Variants in WDFY2 observed in about 807,000 individuals in gnomAD.
WDFY2 encodes WD repeat and FYVE domain containing 2.
Under a neutral mutation model 56.4 loss-of-function variants are expected in WDFY2, and 36 were observed. That is an observed-to-expected ratio of 0.64 (90% CI 0.49 to 0.84). The LOEUF (loss-of-function observed/expected upper bound fraction) is 0.84. Ranked by LOEUF, WDFY2 falls within the 40% of genes least tolerant of loss-of-function variation. WDFY2 has a pLI of 0.00. For synonymous variants in WDFY2, 176 were observed against 183.7 expected, an observed-to-expected ratio of 0.96 and a Z score of 0.34; for missense variants, 444 against 512.2, an observed-to-expected ratio of 0.87 and a Z score of 1.29.
intron 7 of WDFY2, among the ~76,000 whole-genome samples, chr13:51,742,394 G>A (rs1826955597): frequency 6.6e-6 from 1 of 152,054 alleles, no homozygotes; most frequent in South Asian, 2.1e-4. Context: ...CCTGTAGCAA[G>A]TGGATCGTGA....
chr13:51,693,540 C>T (rs1486400324), intron 3 of WDFY2, among the ~76,000 whole-genome samples: 1 of 152,104 alleles, frequency 6.6e-6, no homozygotes, highest in African/African-American at 2.4e-5. Flanking sequence ...GCACTGTGGT[C>T]TGAGAGACAG....
intron 7 of WDFY2, among the ~76,000 whole-genome samples, chr13:51,749,196 GAATT>G (rs1953171952): frequency 6.6e-6 from 1 of 151,990 alleles, no homozygotes; most frequent in South Asian, 2.1e-4. Flanking sequence ...ATTTTCAAAT[GAATT>G]AATATTTTAA....
At chr13:51,671,976 G>A (rs1435574075) in intron 2 of WDFY2, among the ~76,000 whole-genome samples, 2 of 151,824 alleles carry the variant, frequency 1.3e-5, no homozygotes, top group African/African-American at 4.8e-5. Flanking sequence ...TAGAGATGGG[G>A]TTTCGCCATG....
intron 1 of WDFY2, among the ~76,000 whole-genome samples, chr13:51,642,299 G>GT (rs1566333725): frequency 6.6e-6 from 1 of 151,134 alleles, no homozygotes; most frequent in African/African-American, 2.4e-5. Flanking sequence ...ATTTTATTTT[G>GT]TTTTTTGAGA....
chr13:51,694,199 T>G (rs139749990), intron 3 of WDFY2, among the ~76,000 whole-genome samples: 7,208 of 152,136 alleles, frequency 0.047, 228 homozygotes, highest in Middle Eastern at 0.082. Flanking sequence ...AGTTAATATT[T>G]TTATGTGTGA....
At chr13:51,712,210 C>T (rs1197970638) in intron 4 of WDFY2, among the ~76,000 whole-genome samples, 1 of 152,136 alleles carries the variant, frequency 6.6e-6, no homozygotes, top group African/African-American at 2.4e-5. Context: ...GAAAACCAAG[C>T]ACCGTATCTT....
Position 51,761,144 on chromosome 13 carries a change from T to C in WDFY2, c.*1375T>C, listed in dbSNP as rs1953569897. On this transcript the variant is annotated 3_prime_UTR_variant, in exon 12 of 12. Coordinates refer to ENST00000298125, the MANE Select transcript of WDFY2 (RefSeq NM_052950.4). ...CATCAGAACACTTTGCACACTTTCT[T>C]ACTAAAACGGTATGTGGGTGGTCCG... 1 of 152,198 alleles carries C rather than the reference T, an allele frequency of 6.6e-6. No homozygotes were observed. Among genetic ancestry groups the C allele is most frequent in the Non-Finnish European group, 1.5e-5 (1 of 68,022 alleles). The allele number at this position is 152,198 out of a possible 1,614,324, so 9.4% of individuals were successfully genotyped here. A position where few individuals can be genotyped will look rare whatever the true frequency, so the allele number is the denominator to read the frequency against.
chr13:51,762,095 G>A lies in WDFY2; in HGVS notation c.*2326G>A, dbSNP rs894588491. 4 of 152,204 alleles carry A rather than the reference G, an allele frequency of 2.6e-5. No individual in the cohort carries two copies. The highest frequency in any genetic ancestry group is 9.7e-5 in the African/African-American group (4 of 41,440). The allele number at this position is 152,204 out of a possible 1,614,324, so 9.4% of individuals were successfully genotyped here. A position where few individuals can be genotyped will look rare whatever the true frequency, so the allele number is the denominator to read the frequency against. ...ACTTACTAAGTTGTATGTAATATAG[G>A]ACTGTGTGTTGGAAATGAGTAATAG... On this transcript the variant is annotated 3_prime_UTR_variant, in exon 12 of 12. Transcript: ENST00000298125.
chr13:51,653,192 C>G (rs916799981), intron 1 of WDFY2, among the ~76,000 whole-genome samples: 2 of 152,172 alleles, frequency 1.3e-5, no homozygotes, highest in East Asian at 3.9e-4. Context: ...TCCAGTTGAT[C>G]GAATCGGCTA....
In WDFY2 at chr13:51,766,447, G is replaced by GAGAT. The variant is rs1953752922; in HGVS notation, c.*6679_*6682dup. On this transcript the variant is annotated 3_prime_UTR_variant, in exon 12 of 12. Transcript: ENST00000298125. ...TTTTTCTTTCTTTTTTTAAAGTGAG[G>GAGAT]AGATTCTTCAGGGGGTCAGGCTGAG... 6.6e-6 allele frequency: 1 copy of GAGAT among 152,140 alleles called. No homozygotes were observed. Among genetic ancestry groups the GAGAT allele is most frequent in the Non-Finnish European group, 1.5e-5 (1 of 68,032 alleles). The allele number at this position is 152,140 out of a possible 1,614,324, so 9.4% of individuals were successfully genotyped here.
At chr13:51,694,342 T>G (rs1284767141) in intron 3 of WDFY2, among the ~76,000 whole-genome samples, 1 of 152,234 alleles carries the variant, frequency 6.6e-6, no homozygotes, top group Non-Finnish European at 1.5e-5. Context: ...TTTCCATGTT[T>G]AGTGCTTCCT....
chr13:51,600,143 A>G (rs572044300), intron 1 of WDFY2, among the ~76,000 whole-genome samples: 30 of 152,312 alleles, frequency 2.0e-4, no homozygotes, highest in African/African-American at 6.7e-4. Flanking sequence ...CAAGACCTCT[A>G]GATCAGGGCT....
At position 51,641,548 on chromosome 13, in the gene WDFY2, C is replaced by T. The variant is rs1041551778; in HGVS notation, c.138-19048C>T. On this transcript the variant is annotated intron_variant, in intron 1 of 11. Transcript: ENST00000298125. ...ATTCCTATAGAATATTTTGTCGGGC[C>T]GGGCGCGGTGGCTCACGCCTGTAAT... Among the ~76,000 whole-genome samples the T allele has an allele frequency of 1.5e-4, 23 of 151,340 alleles. 1 individual carries two copies. The East Asian group carries it at 2.8e-3, about 18-fold the overall frequency.
At chr13:51,602,715 A>G (rs1231952038) in intron 1 of WDFY2, among the ~76,000 whole-genome samples, 1 of 152,210 alleles carries the variant, frequency 6.6e-6, no homozygotes, top group East Asian at 1.9e-4. Flanking sequence ...GAGCAATTGT[A>G]GTTTTTTAGC....
intron 2 of WDFY2, 120 bp downstream of exon 2, chr13:51,660,783 C>A: frequency 1.3e-6 from 1 of 765,792 alleles, no homozygotes; most frequent in South Asian, 1.8e-5. Flanking sequence ...TGAAAAGTAC[C>A]ATATTAAATC....
chr13:51,712,445 TA>T (rs1157435852), intron 4 of WDFY2, among the ~76,000 whole-genome samples: 3 of 151,758 alleles, frequency 2.0e-5, no homozygotes, highest in East Asian at 1.9e-4. Flanking sequence ...AATATAATAA[TA>T]AAAAAAATGA....
rs899333783 is a variant in WDFY2 at position 51,631,405 on chromosome 13, A to G, written c.138-29191A>G. Among the ~76,000 whole-genome samples the G allele has an allele frequency of 3.3e-5, 5 of 151,974 alleles. 1 individual carries two copies. The highest frequency in any genetic ancestry group is 2.0e-4 in the East Asian group (1 of 5,128). ...GATCCTGTCTCTAAAAAAAAAAAAA[A>G]AAAATTTAAAAAGAAGGAAAACAAT... On this transcript the variant is annotated intron_variant, in intron 1 of 11. Coordinates refer to ENST00000298125, the MANE Select transcript of WDFY2 (RefSeq NM_052950.4).
intron 4 of WDFY2, among the ~76,000 whole-genome samples, chr13:51,713,527 G>A (rs1952271940): frequency 6.6e-6 from 1 of 152,178 alleles, no homozygotes; most frequent in African/African-American, 2.4e-5. Context: ...AGGAAGTTCT[G>A]ACACATGCAA....
In WDFY2 at chr13:51,584,918, G is replaced by A. The variant is rs77568417; in HGVS notation, c.137+94G>A. On this transcript the variant is annotated intron_variant, in intron 1 of 11. Coordinates refer to ENST00000298125, the MANE Select transcript of WDFY2 (RefSeq NM_052950.4). The stretch of plus-strand genomic sequence containing the variant: ...GGGCTGTGCCTTCACGTCGGCGCGA[G>A]TGTAGACTTGCTCCCCCAAGTTTTA... 2.5e-3 allele frequency: 3,840 copies of A among 1,517,438 alleles called. 94 individuals are homozygous for A. The African/African-American group carries it at 0.048, about 19-fold the overall frequency. 94.0% of individuals were successfully genotyped at this position (1,517,438 alleles called of 1,614,324 possible).
Sources: allele counts gnomAD v4.1 joint callset (sites outside exome capture counted in the v4.1 genomes callset), GRCh38; gene constraint gnomAD v4.1.1; transcripts MANE v1.5; gene names NCBI Gene and HGNC (gene_info 2026-07-23, HGNC 2026-07-21).